The following CWF19L2 variants were observed in gnomAD, a reference collection of about 807,000 sequenced individuals.
CWF19L2 encodes the protein CWF19 like cell cycle control factor 2, also known as CWF19-like protein 2.
A neutral mutation model predicts 111.7 loss-of-function variants in CWF19L2; 98 were observed. That is an observed-to-expected ratio of 0.88 (90% CI 0.75 to 1.04). The LOEUF (loss-of-function observed/expected upper bound fraction) is 1.04. Among genes scored for constraint, CWF19L2 ranks in the 50% least tolerant of loss-of-function variants. CWF19L2 has a pLI of 0.00. For synonymous variants in CWF19L2, 351 were observed against 342.9 expected (o/e 1.02, Z -0.26); for missense variants, 1,101 against 1,051.4 (o/e 1.05, Z -0.65).
intron 13 of CWF19L2, among the ~76,000 whole-genome samples, chr11:107,351,971 G>C (rs1022748667): frequency 6.6e-6 from 1 of 152,160 alleles, no homozygotes; most frequent in Non-Finnish European, 1.5e-5. Flanking sequence ...ATGAATGCTA[G>C]TATATCTCCT....
At chr11:107,433,815 C>T (rs2432867) in intron 6 of CWF19L2, 66 bp from the exon 7 acceptor site, 95,933 of 479,018 alleles carry the variant, frequency 0.2, 10,618 homozygotes, top group Non-Finnish European at 0.23. Flanking sequence ...ATATGTATTG[C>T]TTCTATGACT....
chr11:107,339,681 T>C (rs1859977571), intron 14 of CWF19L2, among the ~76,000 whole-genome samples: 1 of 149,198 alleles, frequency 6.7e-6, no homozygotes, highest in Non-Finnish European at 1.5e-5. Context: ...TTTTTTTTTT[T>C]TTGAGATGGA....
intron 10 of CWF19L2, 56 bp downstream of exon 10, chr11:107,416,153 C>G (rs908464932): frequency 2.0e-5 from 9 of 441,594 alleles, no homozygotes; most frequent in South Asian, 1.8e-4. Context: ...AATATTACCA[C>G]TGCCCGGTGG....
At chr11:107,417,340 G>C (rs1036781589) in intron 9 of CWF19L2, among the ~76,000 whole-genome samples, 1 of 152,138 alleles carries the variant, frequency 6.6e-6, no homozygotes, top group Non-Finnish European at 1.5e-5. Flanking sequence ...GATAAATGCA[G>C]CTCTTACCAA....
At chr11:107,327,236 G>A (rs1342325873) in intron 17 of CWF19L2, among the ~76,000 whole-genome samples, 183 bp from the exon 18 acceptor site, 1 of 152,156 alleles carries the variant, frequency 6.6e-6, no homozygotes, top group African/African-American at 2.4e-5. Context: ...GGCAAACCGT[G>A]TGATTCTAAG....
chr11:107,429,600 C>A, intron 7 of CWF19L2, 149 bp from the exon 8 acceptor site: 1 of 559,478 alleles, frequency 1.8e-6, no homozygotes, highest in Non-Finnish European at 3.1e-6. Flanking sequence ...TCATCCTATA[C>A]GGAAACGAAT....
intron 14 of CWF19L2, among the ~76,000 whole-genome samples, chr11:107,346,976 C>A (rs1195065051): frequency 6.6e-6 from 1 of 152,162 alleles, no homozygotes; most frequent in Non-Finnish European, 1.5e-5. Context: ...CATTGAAGTT[C>A]ACTGTATGTA....
intron 17 of CWF19L2, among the ~76,000 whole-genome samples, 174 bp downstream of exon 17, chr11:107,329,744 T>C (rs1859814844): frequency 6.6e-6 from 1 of 152,174 alleles, no homozygotes; most frequent in African/African-American, 2.4e-5. Flanking sequence ...GGCTCTGTTA[T>C]ATACATTCTG....
chr11:107,435,812 T>C (rs1477092590), intron 6 of CWF19L2, among the ~76,000 whole-genome samples: 3 of 151,950 alleles, frequency 2.0e-5, no homozygotes, highest in African/African-American at 7.3e-5. Flanking sequence ...AAAAATTTAG[T>C]CAATATTTAT....
chr11:107,448,920 C>G (rs1166218618), intron 3 of CWF19L2, among the ~76,000 whole-genome samples: 3 of 151,784 alleles, frequency 2.0e-5, no homozygotes, highest in Non-Finnish European at 2.9e-5. Flanking sequence ...TTTGGTATAG[C>G]AGCCCAAATG....
intron 14 of CWF19L2, among the ~76,000 whole-genome samples, chr11:107,346,276 G>A (rs541650604): frequency 2.2e-4 from 34 of 152,202 alleles, no homozygotes; most frequent in African/African-American, 8.2e-4. Flanking sequence ...TTATCCCAAG[G>A]TAAATGTTAT....
At chr11:107,446,875 T>C (rs1294591529) in intron 3 of CWF19L2, among the ~76,000 whole-genome samples, 10 of 152,204 alleles carry the variant, frequency 6.6e-5, no homozygotes, top group Non-Finnish European at 1.3e-4. Context: ...CTCTTGCTAA[T>C]TTTAGTTTCA....
intron 12 of CWF19L2, among the ~76,000 whole-genome samples, chr11:107,355,212 T>C (rs1860217736): frequency 6.6e-6 from 1 of 152,030 alleles, no homozygotes; most frequent in Admixed American, 6.5e-5. Context: ...GTCCAGGAGT[T>C]TGAGACCAGC....
At chr11:107,392,537 T>C (rs1042563542) in intron 11 of CWF19L2, among the ~76,000 whole-genome samples, 3 of 152,096 alleles carry the variant, frequency 2.0e-5, no homozygotes, top group African/African-American at 7.2e-5. Context: ...ACACTAAAAT[T>C]AAAATTGCCT....
intron 8 of CWF19L2, among the ~76,000 whole-genome samples, chr11:107,423,679 G>A (rs563214352): frequency 6.6e-6 from 1 of 151,858 alleles, no homozygotes; most frequent in African/African-American, 2.4e-5. Flanking sequence ...AATCCTTTCT[G>A]TTATTCCAAT....
At chr11:107,445,740 A>T (rs577622892) in intron 3 of CWF19L2, among the ~76,000 whole-genome samples, 22 of 151,960 alleles carry the variant, frequency 1.4e-4, no homozygotes, top group Non-Finnish European at 2.6e-4. Flanking sequence ...CCCCAAATAC[A>T]TTTAGAGTAA....
In CWF19L2 at chr11:107,375,992, G is replaced by A. The variant is rs1309354823; in HGVS notation, c.1872+14082C>T. Among the ~76,000 whole-genome samples the A allele has an allele frequency of 1.7e-4, 19 of 110,738 alleles. 1 individual carries two copies. The highest frequency in any genetic ancestry group is 1.6e-3 in the Admixed American group (19 of 11,732). The allele number at this position is 110,738 out of a possible 152,430, so 72.6% of individuals were successfully genotyped here. ...CAGAGAATACTACAAACACATCTAC[G>A]CAAATAAACTAGAAAATCTAGAAGA... On this transcript the variant is annotated intron_variant, in intron 12 of 17. Coordinates refer to ENST00000282251, the MANE Select transcript of CWF19L2 (RefSeq NM_152434.3).
intron 17 of CWF19L2, among the ~76,000 whole-genome samples, 164 bp from the exon 18 acceptor site, chr11:107,327,217 T>C (rs1859774943): frequency 6.6e-6 from 1 of 152,214 alleles, no homozygotes; most frequent in South Asian, 2.1e-4. Context: ...TTTCAGTTAA[T>C]TCTAACTAGG....
At chr11:107,402,221 G>C (rs1310969111) in intron 10 of CWF19L2, among the ~76,000 whole-genome samples, 2 of 151,836 alleles carry the variant, frequency 1.3e-5, no homozygotes, top group Non-Finnish European at 2.9e-5. Flanking sequence ...TAAAAACAAA[G>C]AAAAATAGCT....
Sources: gnomAD v4.1 joint callset for allele counts (sites outside exome capture counted in the v4.1 genomes callset) on GRCh38, gnomAD v4.1.1 for gene constraint, MANE v1.5 for transcripts, NCBI Gene and HGNC (gene_info 2026-07-23, HGNC 2026-07-21) for gene names.